Variants in HUWE1 observed in about 807,000 individuals in gnomAD.
HUWE1 encodes HECT, UBA and WWE domain containing E3 ubiquitin protein ligase 1.
HUWE1 carries 18 observed loss-of-function variants against 299.4 expected under a neutral mutation model. The observed-to-expected ratio is 0.06, with a 90% CI of 0.04 to 0.09. HUWE1 has a LOEUF of 0.09. Among genes scored for constraint, HUWE1 ranks in the 10% least tolerant of loss-of-function variants. HUWE1 has a pLI of 1.00. For synonymous variants in HUWE1, 1,317 were observed against 1,286.1 expected (o/e 1.02, Z -0.51); for missense variants, 1,832 against 3,462.3 (o/e 0.53, Z 11.82).
At chrX:53,543,605 T>C (rs149316146) in intron 73 of HUWE1, 49 of 440,329 alleles carry the variant, frequency 1.1e-4, no homozygotes, top group African/African-American at 9.1e-4. Flanking sequence ...AGCGCCACTG[T>C]TGACTGGATA....
At chrX:53,564,501 C>A (rs782165195) in intron 51 of HUWE1, 73 bp downstream of exon 51, 3 of 1,140,184 alleles carry the variant, frequency 2.6e-6, no homozygotes, top group South Asian at 3.7e-5. Flanking sequence ...AAAGTACTCA[C>A]CCACCCACAC....
At chrX:53,631,909 A>G in intron 9 of HUWE1, 1 of 359,268 alleles carries the variant, frequency 2.8e-6, no homozygotes, top group Non-Finnish European at 4.9e-6. Flanking sequence ...CTTAATATCC[A>G]TAGCAGTATT....
At chrX:53,673,263 G>A (rs994928622) in intron 3 of HUWE1, among the ~76,000 whole-genome samples, 1 of 111,153 alleles carries the variant, frequency 9.0e-6, no homozygotes, top group Non-Finnish European at 1.9e-5. Context: ...GGGAATGCTG[G>A]GTATTAAAAA....
chrX:53,619,164 G>A (rs1213925626), intron 19 of HUWE1, among the ~76,000 whole-genome samples: 1 of 111,307 alleles, frequency 9.0e-6, no homozygotes, highest in African/African-American at 3.3e-5. Flanking sequence ...CTAGGGGAAT[G>A]GCAGATATAT....
At chrX:53,649,127 CT>C (rs782616258) in intron 4 of HUWE1, among the ~76,000 whole-genome samples, 1 of 112,146 alleles carries the variant, frequency 8.9e-6, no homozygotes, top group East Asian at 2.8e-4. Flanking sequence ...CCAAACAAGT[CT>C]GGATTCACTT....
At chrX:53,666,417 C>T (rs1388961964) in intron 3 of HUWE1, among the ~76,000 whole-genome samples, 2 of 111,593 alleles carry the variant, frequency 1.8e-5, no homozygotes, top group African/African-American at 6.5e-5. Context: ...AGCTGGGTGA[C>T]AGTTACATGG....
intron 43 of HUWE1, among the ~76,000 whole-genome samples, chrX:53,578,283 G>A (rs1190774049): frequency 4.7e-5 from 5 of 107,125 alleles, no homozygotes; most frequent in African/African-American, 1.7e-4. Flanking sequence ...GAGCCCCTCC[G>A]TCCGGCAGCC....
chrX:53,661,281 G>A (rs918291346), intron 3 of HUWE1, among the ~76,000 whole-genome samples: 3 of 111,861 alleles, frequency 2.7e-5, no homozygotes, highest in Non-Finnish European at 5.6e-5. Flanking sequence ...TGATCCGCCC[G>A]CCTCGGCTTC....
At chrX:53,681,970 C>T (rs1318126780) in intron 2 of HUWE1, among the ~76,000 whole-genome samples, 2 of 111,094 alleles carry the variant, frequency 1.8e-5, no homozygotes, top group Admixed American at 9.5e-5. Flanking sequence ...GTGGGAATCA[C>T]GTTCAAACAT....
At chrX:53,548,853 A>T in intron 67 of HUWE1, 106 bp downstream of exon 67, 1 of 695,174 alleles carries the variant, frequency 1.4e-6, no homozygotes, top group Non-Finnish European at 2.2e-6. Context: ...CTCAACACTT[A>T]AAATAAGAGC....
At chrX:53,535,073 A>G (rs1602475716) in intron 81 of HUWE1, among the ~76,000 whole-genome samples, 1 of 110,178 alleles carries the variant, frequency 9.1e-6, no homozygotes, top group Admixed American at 9.7e-5. Flanking sequence ...AGTAGCTGGG[A>G]CTACAGGCGC....
chrX:53,601,083 T>C (rs782577418), intron 28 of HUWE1, among the ~76,000 whole-genome samples: 1 of 111,972 alleles, frequency 8.9e-6, no homozygotes, highest in African/African-American at 3.2e-5. Flanking sequence ...CCAGCTGTCA[T>C]ATGTAAGTCC....
At position 53,546,608 on chromosome X, in the gene HUWE1, CAGAA is replaced by C. The variant is rs1487218456; in HGVS notation, c.10759-20_10759-17del. ...ATGTCAACACCTGAGAAAAAGAAGA[CAGAA>C]GGAGTAAGCCCCAGCCTGAGAACAA... On this transcript the variant is annotated splice_polypyrimidine_tract_variant and intron_variant, in intron 69 of 83. Coordinates refer to ENST00000262854, the MANE Select transcript of HUWE1 (RefSeq NM_031407.7). The C allele has an allele frequency of 1.7e-5, 21 of 1,207,717 alleles. No individual in the cohort carries two copies. The highest frequency in any genetic ancestry group is 2.1e-5 in the Non-Finnish European group (19 of 894,009).
intron 76 of HUWE1, 80 bp from the exon 77 acceptor site, chrX:53,538,534 T>A: frequency 1.4e-6 from 1 of 692,114 alleles, no homozygotes. Context: ...CTAGCAACTC[T>A]CTCTTCCTTC....
Position 53,554,751 on chromosome X carries a change from T to G in HUWE1, c.8376A>C (p.Gly2792=). Residue 2792 remains glycine, a synonymous_variant, in exon 61 of 84, where the codon GGA becomes GGC. Coordinates refer to ENST00000262854, the MANE Select transcript of HUWE1 (RefSeq NM_031407.7). ...ATAGCTGTGTAGAGCTGCCCCCTTC[T>G]CCAGCTGGAGACTGCAGCTCCTGAG... ...EVPQELQSPA[G]EGGSSTQLLM... is the part of the protein sequence containing the mutation. 1 of 1,209,505 alleles carries G rather than the reference T, an allele frequency of 8.3e-7. No homozygotes were observed. Among genetic ancestry groups the G allele is most frequent in the Non-Finnish European group, 1.1e-6 (1 of 894,613 alleles).
intron 52 of HUWE1, 120 bp downstream of exon 52, chrX:53,563,626 G>C: frequency 1.3e-6 from 1 of 765,955 alleles, no homozygotes; most frequent in African/African-American, 2.1e-5. Context: ...AAGACAAGCA[G>C]CGATCTAGGC....
intron 80 of HUWE1, chrX:53,535,931 T>G (rs2061033151): frequency 1.3e-5 from 4 of 299,220 alleles, no homozygotes; most frequent in Middle Eastern, 1.0e-3. Flanking sequence ...AGTTTTTTTT[T>G]TTTTTTTTTT....
chrX:53,672,264 CTTTTT>C (rs374683676), intron 3 of HUWE1, among the ~76,000 whole-genome samples: 3 of 96,756 alleles, frequency 3.1e-5, no homozygotes, highest in Non-Finnish European at 4.2e-5. Context: ...GATGTCCTTA[CTTTTT>C]TTTTTTTTTT....
chrX:53,603,251 G>A, intron 27 of HUWE1, 117 bp downstream of exon 27: 1 of 676,910 alleles, frequency 1.5e-6, no homozygotes, highest in South Asian at 2.5e-5. Flanking sequence ...TGGGAAGAGG[G>A]AAGGACAAGG....
Sources: gnomAD v4.1 joint callset for allele counts (sites outside exome capture counted in the v4.1 genomes callset) on GRCh38, gnomAD v4.1.1 for gene constraint, MANE v1.5 for transcripts, NCBI Gene and HGNC (gene_info 2026-07-23, HGNC 2026-07-21) for gene names.